Variants in CNTN6 observed in about 807,000 individuals in gnomAD.
CNTN6 encodes contactin 6, also known as contactin-6.
In CNTN6, 137 loss-of-function variants were observed where a neutral mutation model predicts 122.8. The observed-to-expected ratio is 1.12, with a 90% CI of 0.97 to 1.29. The LOEUF is 1.29. Among genes scored for constraint, CNTN6 ranks in the 50% most tolerant of loss-of-function variants. The pLI is 0.00. For missense variants in CNTN6, 1,634 were observed against 1,223.4 expected, an observed-to-expected ratio of 1.34 and a Z score of -5.01; for synonymous variants, 570 against 426.0, an observed-to-expected ratio of 1.34 and a Z score of -4.16.
intron 7 of CNTN6, among the ~76,000 whole-genome samples, chr3:1,300,574 AAAGAAAGAAAGAAAGAAAG>A (rs1312509034): frequency 2.5e-5 from 3 of 118,206 alleles, no homozygotes; most frequent in Non-Finnish European, 4.9e-5. Flanking sequence ...AGAAAGAAAG[AAAGAAAGAAAGAAAGAAAG>A]AAAGAAAGAA....
At chr3:1,272,306 C>T (rs889813829) in intron 4 of CNTN6, among the ~76,000 whole-genome samples, 1 of 152,192 alleles carries the variant, frequency 6.6e-6, no homozygotes, top group African/African-American at 2.4e-5. Flanking sequence ...ATTGGGTCAA[C>T]TTTGGTCAGT....
chr3:1,184,174 G>T (rs1223371815), intron 2 of CNTN6, among the ~76,000 whole-genome samples: 1 of 152,114 alleles, frequency 6.6e-6, no homozygotes, highest in Non-Finnish European at 1.5e-5. Flanking sequence ...TAAGGCACAG[G>T]TTCCACCTAC....
chr3:1,195,680 C>A (rs915126505), intron 2 of CNTN6, among the ~76,000 whole-genome samples: 1 of 152,026 alleles, frequency 6.6e-6, no homozygotes, highest in Non-Finnish European at 1.5e-5. Flanking sequence ...CTTAGTTTAC[C>A]TTTTGAATGA....
intron 4 of CNTN6, among the ~76,000 whole-genome samples, chr3:1,254,676 G>T (rs571092808): frequency 6.6e-6 from 1 of 152,246 alleles, no homozygotes; most frequent in East Asian, 1.9e-4. Context: ...GTAATAAATA[G>T]TCTGAGGAGA....
intron 4 of CNTN6, among the ~76,000 whole-genome samples, chr3:1,247,708 C>T (rs2094601927): frequency 6.6e-6 from 1 of 152,190 alleles, no homozygotes; most frequent in African/African-American, 2.4e-5. Flanking sequence ...GAACCTGCAT[C>T]AAGAGCAGTG....
chr3:1,254,069 T>A (rs1054015852), intron 4 of CNTN6, among the ~76,000 whole-genome samples: 1 of 152,200 alleles, frequency 6.6e-6, no homozygotes, highest in African/African-American at 2.4e-5. Flanking sequence ...TACAGAAATG[T>A]CTATAAAAAT....
intron 4 of CNTN6, among the ~76,000 whole-genome samples, chr3:1,253,699 G>T (rs1032682461): frequency 1.3e-5 from 2 of 152,020 alleles, no homozygotes; most frequent in African/African-American, 2.4e-5. Context: ...TCACAATAGG[G>T]TTCACACTCC....
At chr3:1,385,881 A>T (rs778764214) in intron 20 of CNTN6, 84 bp downstream of exon 20, 5 of 1,290,614 alleles carry the variant, frequency 3.9e-6, no homozygotes, top group Non-Finnish European at 5.2e-6. Context: ...TCATTCCCAC[A>T]CCTCATTTCT....
chr3:1,314,771 G>GA (rs112511047), intron 7 of CNTN6, among the ~76,000 whole-genome samples: 25,348 of 151,602 alleles, frequency 0.17, 5,010 homozygotes, highest in African/African-American at 0.48. Flanking sequence ...CAGAGGAAAA[G>GA]AAAAAAGAAA....
chr3:1,275,188 A>G lies in CNTN6; in HGVS notation c.359-3225A>G, dbSNP rs115388374. Among the ~76,000 whole-genome samples the G allele has an allele frequency of 8.2e-3, 1,249 of 152,070 alleles. 18 individuals are homozygous for G. The highest frequency in any genetic ancestry group is 0.029 in the African/African-American group (1,186 of 41,472). On this transcript the variant is annotated intron_variant, in intron 4 of 22. Coordinates refer to ENST00000446702, the MANE Select transcript of CNTN6 (RefSeq NM_001289080.2). The stretch of plus-strand genomic sequence containing the variant: ...TCCTGAATCGTCAGTCTCTTTCCTT[A>G]CTTGATCATTGATTTCAGCATAGTG...
intron 2 of CNTN6, among the ~76,000 whole-genome samples, chr3:1,213,657 C>G (rs2094081203): frequency 1.3e-5 from 2 of 151,548 alleles, no homozygotes; most frequent in South Asian, 2.1e-4. Flanking sequence ...ATACTGTATT[C>G]ATGTATAGAT....
chr3:1,385,731 AGAGCTTAC>A lies in CNTN6; in HGVS notation c.2639_2646del (p.Arg880LysfsTer36). The A allele has an allele frequency of 6.2e-7, 1 of 1,614,178 alleles. No homozygotes were observed. Among genetic ancestry groups the A allele is most frequent in the Non-Finnish European group, 8.5e-7 (1 of 1,179,980 alleles). On this transcript the variant is annotated frameshift_variant, in exon 20 of 23. Coordinates refer to ENST00000446702, the MANE Select transcript of CNTN6 (RefSeq NM_001289080.2). LOFTEE classifies it high-confidence loss of function. The stretch of plus-strand genomic sequence containing the variant: ...TAATACCATCTACTTTGCTTCCGTA[AGAGCTTAC>A]AACACTGCTGGGACAGGGCCCTCAA...
chr3:1,205,430 G>A (rs1385378165), intron 2 of CNTN6, among the ~76,000 whole-genome samples: 2 of 152,182 alleles, frequency 1.3e-5, no homozygotes, highest in Non-Finnish European at 2.9e-5. Flanking sequence ...ACATTGGGCT[G>A]TTTTCTTTCT....
chr3:1,337,072 G>A (rs1250582649), intron 11 of CNTN6, among the ~76,000 whole-genome samples: 1 of 152,148 alleles, frequency 6.6e-6, no homozygotes, highest in Non-Finnish European at 1.5e-5. Context: ...GGGAAGACCT[G>A]TTTGAAAGCC....
intron 7 of CNTN6, among the ~76,000 whole-genome samples, chr3:1,313,895 T>C (rs1045546012): frequency 1.3e-5 from 2 of 151,964 alleles, no homozygotes; most frequent in Non-Finnish European, 2.9e-5. Context: ...CCTCGCATGG[T>C]GGAAGAGAAA....
intron 11 of CNTN6, among the ~76,000 whole-genome samples, chr3:1,344,095 A>T (rs1052251563): frequency 6.6e-6 from 1 of 152,150 alleles, no homozygotes; most frequent in Non-Finnish European, 1.5e-5. Context: ...ATCTCCCTGC[A>T]TCTCAGTTTT....
chr3:1,285,254 G>A (rs1694136809), intron 5 of CNTN6, among the ~76,000 whole-genome samples: 1 of 152,202 alleles, frequency 6.6e-6, no homozygotes, highest in Non-Finnish European at 1.5e-5. Context: ...AAGAGAAGGA[G>A]AAAAGTAAAA....
At position 1,329,862 on chromosome 3, in the gene CNTN6, T is replaced by A; in HGVS notation, c.1291T>A (p.Cys431Ser). 6.2e-7 allele frequency: 1 copy of A among 1,611,324 alleles called. No individual in the cohort carries two copies. Among genetic ancestry groups the A allele is most frequent in the Non-Finnish European group, 8.5e-7 (1 of 1,178,270 alleles). The change falls in exon 11 of 23, where the codon TGC (cysteine) becomes AGC (serine). Residue 431 changes from cysteine to serine, a missense_variant. Physicochemically the swap from Cys to Ser is moderately radical, Grantham distance 112. Transcript: ENST00000446702. ...VQVGGDIVIG[C>S]KPNAFPRAAI... ...AGTTGGTGGGGATATTGTTATCGGA[T>A]GCAAACCAAATGCTTTTCCCAGGGC...
intron 1 of CNTN6, among the ~76,000 whole-genome samples, chr3:1,131,370 G>A (rs1182262527): frequency 6.6e-6 from 1 of 152,108 alleles, no homozygotes; most frequent in Non-Finnish European, 1.5e-5. Flanking sequence ...AGCTTCCAAA[G>A]GAACAATTAG....
Sources: allele counts gnomAD v4.1 joint callset (sites outside exome capture counted in the v4.1 genomes callset), GRCh38; gene constraint gnomAD v4.1.1; transcripts MANE v1.5; gene names NCBI Gene and HGNC (gene_info 2026-07-23, HGNC 2026-07-21).